Variants in CDC42BPA observed in about 807,000 individuals in gnomAD.
The protein encoded by CDC42BPA is serine/threonine-protein kinase MRCK alpha.
In CDC42BPA, 80 loss-of-function variants were observed where a neutral mutation model predicts 223.5. That is an observed-to-expected ratio of 0.36 (90% CI 0.30 to 0.43). The LOEUF is 0.43. CDC42BPA is among the 20% of genes least tolerant of loss of function. The pLI, the probability that CDC42BPA is intolerant of heterozygous loss-of-function variation, is 1.00. For missense variants in CDC42BPA, 1,743 were observed against 2,099.9 expected, an observed-to-expected ratio of 0.83 and a Z score of 3.32; for synonymous variants, 694 against 718.6, an observed-to-expected ratio of 0.97 and a Z score of 0.55.
At chr1:227,245,437 C>T (rs757083949) in intron 2 of CDC42BPA, among the ~76,000 whole-genome samples, 1 of 151,966 alleles carries the variant, frequency 6.6e-6, no homozygotes, top group African/African-American at 2.4e-5. Flanking sequence ...ACCACAGGCA[C>T]GTGCCACCTC....
At chr1:227,147,337 A>G in intron 7 of CDC42BPA, 22 bp downstream of exon 7, 4 of 1,567,388 alleles carry the variant, frequency 2.6e-6, no homozygotes, top group Non-Finnish European at 3.5e-6. Context: ...CATTAATTTG[A>G]ACAAAAGTAA....
chr1:227,005,327 T>C (rs980604499), intron 34 of CDC42BPA, among the ~76,000 whole-genome samples: 5 of 152,238 alleles, frequency 3.3e-5, no homozygotes, highest in Admixed American at 6.5e-5. Context: ...TAAGTACTTA[T>C]ACTTACTGAA....
chr1:227,298,473 CAGA>C (rs1013610365), intron 1 of CDC42BPA, among the ~76,000 whole-genome samples: 5 of 152,008 alleles, frequency 3.3e-5, no homozygotes, highest in African/African-American at 9.7e-5. Flanking sequence ...CCTAAAAACT[CAGA>C]AGAAAATTAA....
intron 19 of CDC42BPA, 127 bp from the exon 20 acceptor site, chr1:227,072,426 T>G: frequency 1.7e-6 from 1 of 599,614 alleles, no homozygotes. Flanking sequence ...TATAAATTAC[T>G]GCGGGAAGAA....
intron 17 of CDC42BPA, among the ~76,000 whole-genome samples, chr1:227,077,710 C>A (rs1679788566): frequency 1.3e-5 from 2 of 152,076 alleles, no homozygotes; most frequent in South Asian, 4.1e-4. Context: ...TCAGTCTTAC[C>A]AACAAACAAA....
chr1:227,029,397 C>A (rs1668832656), intron 29 of CDC42BPA, 147 bp from the exon 30 acceptor site: 7 of 615,292 alleles, frequency 1.1e-5, no homozygotes, highest in Non-Finnish European at 1.9e-5. Flanking sequence ...ATTATCCAAC[C>A]CATCATAAGA....
intron 1 of CDC42BPA, chr1:227,264,865 T>A: frequency 6.5e-7 from 1 of 1,533,414 alleles, no homozygotes; most frequent in Non-Finnish European, 9.0e-7. Context: ...AGTCTGGAAC[T>A]GGACCTGAAG....
At chr1:227,123,609 C>T (rs10495258) in intron 11 of CDC42BPA, among the ~76,000 whole-genome samples, 13,861 of 152,076 alleles carry the variant, frequency 0.091, 847 homozygotes, top group Middle Eastern at 0.16. Flanking sequence ...AAAAAATGGG[C>T]ATGATTAAAG....
At chr1:227,305,463 G>A (rs1214997996) in intron 1 of CDC42BPA, among the ~76,000 whole-genome samples, 1 of 152,092 alleles carries the variant, frequency 6.6e-6, no homozygotes, top group African/African-American at 2.4e-5. Context: ...TTCATTTCTT[G>A]TTGTTTACTC....
intron 31 of CDC42BPA, among the ~76,000 whole-genome samples, chr1:227,024,740 T>A (rs556119936): frequency 1.3e-5 from 2 of 152,266 alleles, no homozygotes; most frequent in East Asian, 3.9e-4. Flanking sequence ...CTGAAAGATA[T>A]ATTATTTAGG....
At chr1:227,117,570 C>T (rs967150569) in intron 12 of CDC42BPA, among the ~76,000 whole-genome samples, 1 of 152,106 alleles carries the variant, frequency 6.6e-6, no homozygotes, top group African/African-American at 2.4e-5. Flanking sequence ...CTGCCTCAGC[C>T]TCTCAAAAGT....
rs371424194 is a variant in CDC42BPA, at chr1:227,297,954, G to GTATATATATATATA, written c.178+19050_178+19051insTATATATATATATA. ...AATTTTGTTTTATGTGTGTGTGTGT[G>GTATATATATATATA]TATATATACATATACACACACACAC... On this transcript the variant is annotated intron_variant, in intron 1 of 36. Transcript: ENST00000366766. Among the ~76,000 whole-genome samples the GTATATATATATATA allele has an allele frequency of 1.0e-4, 13 of 127,104 alleles. No individual in the cohort carries two copies. In the East Asian group the frequency reaches 2.7e-3, roughly 27 times the overall value. The allele number at this position is 127,104 out of a possible 152,430, so 83.4% of individuals were successfully genotyped here.
intron 16 of CDC42BPA, among the ~76,000 whole-genome samples, chr1:227,086,446 TGTAA>T (rs1681912927): frequency 6.6e-6 from 1 of 152,144 alleles, no homozygotes; most frequent in Non-Finnish European, 1.5e-5. Flanking sequence ...ATGAGCAGTG[TGTAA>T]GTTCTAGTTC....
intron 10 of CDC42BPA, among the ~76,000 whole-genome samples, chr1:227,135,724 C>T (rs765121985): frequency 4.0e-5 from 6 of 151,622 alleles, no homozygotes; most frequent in Non-Finnish European, 5.9e-5. Context: ...CATGGTGGCA[C>T]GTGCCTGTAG....
At chr1:227,199,701 G>A (rs751631653) in intron 3 of CDC42BPA, 49 bp from the exon 4 acceptor site, 1 of 884,318 alleles carries the variant, frequency 1.1e-6, no homozygotes, top group East Asian at 2.5e-5. Flanking sequence ...GTAAAACTAG[G>A]AAATATACAA....
intron 2 of CDC42BPA, among the ~76,000 whole-genome samples, chr1:227,244,175 G>C (rs973927660): frequency 6.6e-6 from 1 of 152,092 alleles, no homozygotes; most frequent in African/African-American, 2.4e-5. Context: ...TTCTAAATTT[G>C]TATCAAACAC....
chr1:227,284,955 C>G (rs1039914227), intron 1 of CDC42BPA, among the ~76,000 whole-genome samples: 1 of 144,924 alleles, frequency 6.9e-6, no homozygotes, highest in African/African-American at 2.6e-5. Flanking sequence ...AGAGTGAGAC[C>G]CCATCTCACA....
chr1:227,127,845 T>C (rs1473878898), intron 11 of CDC42BPA, among the ~76,000 whole-genome samples: 1 of 152,232 alleles, frequency 6.6e-6, no homozygotes, highest in African/African-American at 2.4e-5. Flanking sequence ...AATAGTCATT[T>C]TTATAAAAGA....
At chr1:227,056,016 A>T (rs961738118) in intron 21 of CDC42BPA, among the ~76,000 whole-genome samples, 1 of 152,154 alleles carries the variant, frequency 6.6e-6, no homozygotes, top group Admixed American at 6.5e-5. Flanking sequence ...AAGATCCTCA[A>T]ATGTATTTTT....
Sources: gnomAD v4.1 joint callset for allele counts (sites outside exome capture counted in the v4.1 genomes callset) on GRCh38, gnomAD v4.1.1 for gene constraint, MANE v1.5 for transcripts, NCBI Gene and HGNC (gene_info 2026-07-23, HGNC 2026-07-21) for gene names.